The following MAPK8 variants were observed in gnomAD, a reference collection of about 807,000 sequenced individuals.
MAPK8 encodes JUN N-terminal kinase.
MAPK8 carries 13 observed loss-of-function variants against 52.9 expected under a neutral mutation model. That is an observed-to-expected ratio of 0.25 (90% CI 0.16 to 0.39). MAPK8 has a LOEUF of 0.39. MAPK8 is among the 10% of genes least tolerant of loss of function. The pLI is 1.00. For missense variants in MAPK8, 300 were observed against 519.2 expected (o/e 0.58, Z 4.10); for synonymous variants, 191 against 169.8 (o/e 1.12, Z -0.97).
At chr10:48,344,736 T>C (rs563066376) in intron 1 of MAPK8, among the ~76,000 whole-genome samples, 3 of 152,292 alleles carry the variant, frequency 2.0e-5, no homozygotes, top group African/African-American at 7.2e-5. Context: ...ACCTTCCAAA[T>C]GCATATAGTT....
intron 1 of MAPK8, among the ~76,000 whole-genome samples, chr10:48,375,389 G>A (rs1040292124): frequency 1.3e-5 from 2 of 152,150 alleles, no homozygotes; most frequent in African/African-American, 4.8e-5. Flanking sequence ...GTTCTGGCCA[G>A]GGCAATCAGG....
At chr10:48,315,135 A>G (rs148907930) in intron 1 of MAPK8, among the ~76,000 whole-genome samples, 65 of 152,190 alleles carry the variant, frequency 4.3e-4, no homozygotes, top group Admixed American at 1.6e-3. Context: ...TCCTTTTCAG[A>G]AGTTTTTTTC....
intron 1 of MAPK8, among the ~76,000 whole-genome samples, chr10:48,368,751 C>G (rs1452002373): frequency 6.6e-6 from 1 of 152,170 alleles, no homozygotes; most frequent in African/African-American, 2.4e-5. Context: ...GAAAGTGACC[C>G]AGAGGATTCA....
intron 3 of MAPK8, among the ~76,000 whole-genome samples, chr10:48,406,333 T>A (rs1324220741): frequency 6.6e-6 from 1 of 152,222 alleles, no homozygotes; most frequent in Non-Finnish European, 1.5e-5. Context: ...CTCGTGCCCC[T>A]TGTGGCCTGT....
intron 1 of MAPK8, among the ~76,000 whole-genome samples, chr10:48,331,327 G>C (rs1431393306): frequency 6.6e-6 from 1 of 152,200 alleles, no homozygotes; most frequent in Admixed American, 6.5e-5. Flanking sequence ...CATTGGATAG[G>C]GAGGAGTCCC....
chr10:48,324,373 T>G (rs542261205), intron 1 of MAPK8, among the ~76,000 whole-genome samples: 49 of 152,216 alleles, frequency 3.2e-4, no homozygotes, highest in Non-Finnish European at 6.3e-4. Flanking sequence ...TTCTTCCATC[T>G]TATTCTGCCC....
chr10:48,308,058 A>G (rs1028671978), intron 1 of MAPK8: 1 of 152,258 alleles, frequency 6.6e-6, no homozygotes, highest in African/African-American at 2.4e-5. Flanking sequence ...TAAATATACA[A>G]CAGCTTTTAT....
chr10:48,356,709 G>A (rs1846979458), intron 1 of MAPK8, among the ~76,000 whole-genome samples: 1 of 151,788 alleles, frequency 6.6e-6, no homozygotes, highest in East Asian at 1.9e-4. Context: ...GGTTCTAATG[G>A]CATGTGCCTG....
chr10:48,434,856 AT>A, intron 11 of MAPK8, 27 bp from the exon 12 acceptor site: 1 of 1,583,670 alleles, frequency 6.3e-7, no homozygotes, highest in Non-Finnish European at 8.6e-7. Context: ...TCTGCAACTG[AT>A]TTGCTGTTTT....
intron 1 of MAPK8, among the ~76,000 whole-genome samples, chr10:48,392,427 A>G (rs1312930948): frequency 6.6e-6 from 1 of 152,054 alleles, no homozygotes; most frequent in Non-Finnish European, 1.5e-5. Context: ...TGTTCCCTAT[A>G]TATACAATAC....
intron 1 of MAPK8, among the ~76,000 whole-genome samples, chr10:48,354,794 A>G: frequency 7.3e-6 from 1 of 137,008 alleles, no homozygotes; most frequent in East Asian, 1.9e-4. Flanking sequence ...TAGGTGATCT[A>G]AAAAAAAAAC....
In MAPK8 at chr10:48,401,619, G is replaced by C. The variant is rs779204208; in HGVS notation, c.-42G>C. ...TTTTGTTGCATCTTGCAGCTTCTTG[G>C]TGAATTTTTGGATGAAGCCATTAAA... On this transcript the variant is annotated 5_prime_UTR_variant, in exon 2 of 12. Coordinates refer to ENST00000374189, the MANE Select transcript of MAPK8 (RefSeq NM_001323329.2). The C allele has an allele frequency of 1.3e-6, 2 of 1,599,830 alleles. No homozygotes were observed. The highest frequency in any genetic ancestry group is 1.7e-6 in the Non-Finnish European group (2 of 1,175,032).
chr10:48,340,938 C>G (rs1564503822), intron 1 of MAPK8, among the ~76,000 whole-genome samples: 1 of 152,206 alleles, frequency 6.6e-6, no homozygotes, highest in Non-Finnish European at 1.5e-5. Flanking sequence ...GCACAGTGTT[C>G]TGGAAAGAGC....
At chr10:48,354,631 A>G (rs1156774147) in intron 1 of MAPK8, among the ~76,000 whole-genome samples, 1 of 152,164 alleles carries the variant, frequency 6.6e-6, no homozygotes, top group Non-Finnish European at 1.5e-5. Context: ...AAGTTTCCAG[A>G]TGATAGTGAT....
intron 1 of MAPK8, among the ~76,000 whole-genome samples, chr10:48,312,364 T>TA (rs1294746949): frequency 1.3e-5 from 2 of 152,220 alleles, no homozygotes; most frequent in Admixed American, 6.5e-5. Context: ...TTGAAGCTCT[T>TA]ATGATGTAAG....
At chr10:48,426,580 CT>C (rs2043697366) in intron 9 of MAPK8, 76 bp downstream of exon 9, 2 of 1,366,440 alleles carry the variant, frequency 1.5e-6, no homozygotes, top group Non-Finnish European at 2.0e-6. Flanking sequence ...TGGAGGAGAC[CT>C]TTTAATTTTA....
chr10:48,347,342 A>G (rs1206440182), intron 1 of MAPK8, among the ~76,000 whole-genome samples: 1 of 152,236 alleles, frequency 6.6e-6, no homozygotes, highest in Non-Finnish European at 1.5e-5. Context: ...CTCAAATTAG[A>G]AAAGACAGTT....
rs557022446 is a variant in MAPK8 at position 48,336,319 on chromosome 10, A to G, written c.-50+29498A>G. Reference sequence around the variant, plus strand: ...TGGAACACTCTTTTAAAAAATATTCATTGCCCAGATTTACACAAGAAAACA... The same window carrying G: ...TGGAACACTCTTTTAAAAAATATTCGTTGCCCAGATTTACACAAGAAAACA... On this transcript the variant is annotated intron_variant, in intron 1 of 11. Transcript: ENST00000374189. 3.9e-5 allele frequency among the ~76,000 whole-genome samples: 6 copies of G among 152,326 alleles called. No individual in the cohort carries two copies. In the South Asian group the frequency reaches 1.0e-3, roughly 26 times the overall value.
chr10:48,349,215 C>T (rs573225290), intron 1 of MAPK8, among the ~76,000 whole-genome samples: 18 of 152,008 alleles, frequency 1.2e-4, no homozygotes, highest in African/African-American at 9.7e-5. Flanking sequence ...TCAGACAGAT[C>T]GAGACAGAAA....
Sources: gnomAD v4.1 joint callset for allele counts (sites outside exome capture counted in the v4.1 genomes callset) on GRCh38, gnomAD v4.1.1 for gene constraint, MANE v1.5 for transcripts, NCBI Gene and HGNC (gene_info 2026-07-23, HGNC 2026-07-21) for gene names.